The following ZNF75D variants were observed in gnomAD, a reference collection of about 807,000 sequenced individuals.
The protein encoded by ZNF75D is zinc finger protein 75D.
A neutral mutation model predicts 33.3 loss-of-function variants in ZNF75D; 33 were observed. The observed-to-expected ratio is 0.99, with a 90% CI of 0.75 to 1.32. ZNF75D has a LOEUF of 1.32. Among genes scored for constraint, ZNF75D ranks in the 40% most tolerant of loss-of-function variants. The pLI is 0.00. For missense variants in ZNF75D, 338 were observed against 367.5 expected (o/e 0.92, Z 0.66); for synonymous variants, 113 against 130.6 (o/e 0.87, Z 0.92).
intron 1 of ZNF75D, among the ~76,000 whole-genome samples, chrX:135,271,064 T>C (rs1478111509): frequency 1.8e-5 from 2 of 111,653 alleles, no homozygotes; most frequent in Non-Finnish European, 3.8e-5. Context: ...TTATATCCTA[T>C]AGAACAGCCC....
At chrX:135,270,429 T>C (rs1383405624) in intron 1 of ZNF75D, among the ~76,000 whole-genome samples, 3 of 98,244 alleles carry the variant, frequency 3.1e-5, no homozygotes, top group Non-Finnish European at 6.2e-5. Flanking sequence ...ATATATATTA[T>C]GTACCCACAA....
At chrX:135,327,852 T>G (rs1556438672) in intron 1 of ZNF75D, 1 of 112,205 alleles carries the variant, frequency 8.9e-6, no homozygotes, top group Non-Finnish European at 1.9e-5. Flanking sequence ...TTCCCTTTTC[T>G]CTCTCAGTCT....
chrX:135,266,175 C>A (rs1269403793), intron 1 of ZNF75D, among the ~76,000 whole-genome samples: 3 of 110,987 alleles, frequency 2.7e-5, no homozygotes, highest in Non-Finnish European at 5.7e-5. Flanking sequence ...GAGAAAATCA[C>A]CTTCACTAAG....
At chrX:135,325,876 AGCC>A (rs2084564145) in intron 1 of ZNF75D, among the ~76,000 whole-genome samples, 3 of 112,815 alleles carry the variant, frequency 2.7e-5, no homozygotes, top group Non-Finnish European at 5.6e-5. Flanking sequence ...CTCCACCTGC[AGCC>A]CCGGTGCAGG....
intron 1 of ZNF75D, among the ~76,000 whole-genome samples, chrX:135,278,805 A>T (rs781886417): frequency 1.3e-4 from 15 of 112,233 alleles, no homozygotes; most frequent in African/African-American, 4.9e-4. Flanking sequence ...TGGTTTGCAT[A>T]TGTTGAACCA....
In ZNF75D at chrX:135,258,081, T is replaced by C. The variant is rs782767426; in HGVS notation, n.828-2304A>G. Among the ~76,000 whole-genome samples, 11 of 107,699 alleles carry C rather than the reference T, an allele frequency of 1.0e-4. No homozygotes were observed. The East Asian group carries it at 1.7e-3, about 17-fold the overall frequency. The allele number at this position is 107,699 out of a possible 115,157, so 93.5% of individuals were successfully genotyped here. A position where few individuals can be genotyped will look rare whatever the true frequency, so the allele number is the denominator to read the frequency against. Reference sequence around the variant, plus strand: ...TGCAGTGTTTGGTTTTCTGTCCTTGTGATACTTTGCTGAGAATGATGGTTT... The same window carrying C: ...TGCAGTGTTTGGTTTTCTGTCCTTGCGATACTTTGCTGAGAATGATGGTTT... On this transcript the variant is annotated intron_variant and non_coding_transcript_variant, in intron 1 of 3. Coordinates refer to the ZNF75D transcript ENST00000494295.
At chrX:135,306,284 TACATACACACACACACACAC>T in intron 1 of ZNF75D, among the ~76,000 whole-genome samples, 1 of 53,813 alleles carries the variant, frequency 1.9e-5, no homozygotes, top group Admixed American at 2.4e-4. Context: ...ACAACAGAGA[TACATACACACACACACACAC>T]ACACACACAC....
chrX:135,318,740 T>C (rs1255692603), intron 1 of ZNF75D, among the ~76,000 whole-genome samples: 2 of 111,483 alleles, frequency 1.8e-5, no homozygotes. Flanking sequence ...AGAAATGGTA[T>C]ACCAAAAAAC....
rs782086014 is a variant in ZNF75D at position 135,270,100 on chromosome X, T to C, written n.828-14323A>G. The stretch of plus-strand genomic sequence containing the variant: ...AGGATGGTTGCCAGAGGCTAGGAAA[T>C]ACAGTGAGGGAGCAGTGAGGGAGGT... On this transcript the variant is annotated intron_variant and non_coding_transcript_variant, in intron 1 of 3. Coordinates refer to the ZNF75D transcript ENST00000494295. Among the ~76,000 whole-genome samples the C allele has an allele frequency of 7.4e-5, 8 of 108,426 alleles. No individual in the cohort carries two copies. The East Asian group carries it at 2.0e-3, about 27-fold the overall frequency. The allele number at this position is 108,426 out of a possible 115,157, so 94.2% of individuals were successfully genotyped here.
Position 135,270,276 on chromosome X carries a change from T to C in ZNF75D, n.828-14499A>G, listed in dbSNP as rs916129328. Among the ~76,000 whole-genome samples, 69 of 102,992 alleles carry C rather than the reference T, an allele frequency of 6.7e-4. 1 individual carries two copies. The highest frequency in any genetic ancestry group is 2.4e-3 in the African/African-American group (69 of 28,731). 89.4% of individuals were successfully genotyped at this position (102,992 alleles called of 115,157 possible). A position where few individuals can be genotyped will look rare whatever the true frequency, so the allele number is the denominator to read the frequency against. On this transcript the variant is annotated intron_variant and non_coding_transcript_variant, in intron 1 of 3. Coordinates refer to the ZNF75D transcript ENST00000494295. The stretch of plus-strand genomic sequence containing the variant: ...ACTGGATTGTTTATAACACAAAGAA[T>C]AAATTCTTGAGGAGATGGATACCCA...
chrX:135,269,795 A>G (rs1403813623), intron 1 of ZNF75D, among the ~76,000 whole-genome samples: 1 of 112,017 alleles, frequency 8.9e-6, no homozygotes, highest in Admixed American at 9.5e-5. Flanking sequence ...CGGCACTCCC[A>G]TGTTTATTGC....
At chrX:135,338,908 G>T (rs1414026620) in intron 1 of ZNF75D, among the ~76,000 whole-genome samples, 1 of 84,182 alleles carries the variant, frequency 1.2e-5, no homozygotes, top group Non-Finnish European at 2.3e-5. Flanking sequence ...CCCTCCTCAT[G>T]CCCCCTTCTC....
chrX:135,270,392 T>TATATATAC (rs1211997989), intron 1 of ZNF75D, among the ~76,000 whole-genome samples: 4 of 85,151 alleles, frequency 4.7e-5, no homozygotes, highest in Non-Finnish European at 9.3e-5. Context: ...TATATATATA[T>TATATATAC]ACACATATTT....
intron 1 of ZNF75D, among the ~76,000 whole-genome samples, chrX:135,300,149 TA>T (rs2084194404): frequency 8.9e-6 from 1 of 112,112 alleles, no homozygotes; most frequent in African/African-American, 3.2e-5. Context: ...TTTCTGCAAA[TA>T]AGTCATCTAG....
Position 135,287,828 on chromosome X carries a change from T to C in ZNF75D, c.842A>G (p.Asp281Gly). The C allele has an allele frequency of 1.7e-6, 2 of 1,204,565 alleles. No homozygotes were observed. Among genetic ancestry groups the C allele is most frequent in the Non-Finnish European group, 2.2e-6 (2 of 890,642 alleles). ...VISLGLKLKN[D>G]TGNDHPISVS... ...AGATATAGGATGATCATTTCCAGTG[T>C]CATTTTTTAGCTTTAACCCTGTTAG... The change falls in exon 7 of 7, where the codon GAC becomes GGC. Residue 281 changes from aspartate (D) to glycine (G), a missense_variant. Coordinates refer to ENST00000370766, the MANE Select transcript of ZNF75D (RefSeq NM_007131.5).
intron 1 of ZNF75D, among the ~76,000 whole-genome samples, chrX:135,272,614 A>G (rs1556417104): frequency 9.0e-6 from 1 of 110,871 alleles, no homozygotes. Flanking sequence ...TAAAAATTAA[A>G]AGTGCAGAAC....
chrX:135,341,443 T>C lies in ZNF75D; in HGVS notation c.-391+325A>G, dbSNP rs369783712. 2.7e-3 allele frequency among the ~76,000 whole-genome samples: 306 copies of C among 112,044 alleles called. 1 individual carries two copies. Among genetic ancestry groups the C allele is most frequent in the African/African-American group, 9.5e-3 (293 of 30,812 alleles). On this transcript the variant is annotated intron_variant, in intron 1 of 6. Transcript: ENST00000370766. ...ACCAGTCAGAGTTAACAGTTTATGG[T>C]GGTCAGGGGATTGATGGAGTTTTAG...
chrX:135,294,392 A>C (rs1556422217), intron 2 of ZNF75D, 134 bp from the exon 3 acceptor site: 1 of 297,322 alleles, frequency 3.4e-6, no homozygotes. Context: ...ACTGCCAAGA[A>C]TTAGAACATT....
intron 1 of ZNF75D, among the ~76,000 whole-genome samples, chrX:135,340,296 C>T (rs894753904): frequency 1.8e-5 from 2 of 112,075 alleles, no homozygotes; most frequent in Admixed American, 9.4e-5. Flanking sequence ...TTAATCTCTA[C>T]ATAATAGTTC....
Sources: allele counts gnomAD v4.1 joint callset (sites outside exome capture counted in the v4.1 genomes callset), GRCh38; gene constraint gnomAD v4.1.1; transcripts MANE v1.5; gene names NCBI Gene and HGNC (gene_info 2026-07-23, HGNC 2026-07-21).